SCIN: variants seen among roughly 807,000 people sequenced by gnomAD.
SCIN encodes adseverin.
Under a neutral mutation model 91.8 loss-of-function variants are expected in SCIN, and 91 were observed. The observed-to-expected ratio is 0.99, with a 90% confidence interval of 0.84 to 1.18. The LOEUF is 1.18. Among genes scored for constraint, SCIN ranks in the 50% most tolerant of loss-of-function variants. The probability of loss-of-function intolerance (pLI) is 0.00; values close to 1 mark genes in which losing one functional copy is unlikely to be tolerated. For synonymous variants in SCIN, 367 were observed against 312.6 expected (o/e 1.17, Z -1.84); for missense variants, 1,087 against 863.9 (o/e 1.26, Z -3.24).
intron 4 of SCIN, among the ~76,000 whole-genome samples, chr7:12,607,185 G>A (rs1266252749): frequency 6.6e-6 from 1 of 152,144 alleles, no homozygotes; most frequent in Admixed American, 6.5e-5. Flanking sequence ...TATTCATTGT[G>A]TCTGATTCCT....
intron 4 of SCIN, among the ~76,000 whole-genome samples, chr7:12,613,957 G>A (rs1278077652): frequency 6.6e-6 from 1 of 152,180 alleles, no homozygotes; most frequent in African/African-American, 2.4e-5. Context: ...ATAGAACTAT[G>A]TTGGTAAGTG....
rs191394340 is a variant in SCIN at position 12,650,664 on chromosome 7, A to G, written c.1959+1120A>G. Among the ~76,000 whole-genome samples the G allele has an allele frequency of 2.7e-3, 413 of 152,300 alleles. 2 individuals are homozygous for G. Among genetic ancestry groups the G allele is most frequent in the African/African-American group, 9.6e-3 (400 of 41,560 alleles). On this transcript the variant is annotated intron_variant, in intron 14 of 15. Coordinates refer to ENST00000297029, the MANE Select transcript of SCIN (RefSeq NM_001112706.3). ...GATTTCAAAAATAAGGTAATTCAGG[A>G]CATTTTTTTCAGCATTCAAGTACCC...
intron 9 of SCIN, among the ~76,000 whole-genome samples, chr7:12,629,907 T>TA (rs1441929890): frequency 2.0e-5 from 3 of 152,124 alleles, no homozygotes; most frequent in Non-Finnish European, 4.4e-5. Context: ...TCTAACTTTT[T>TA]ATTAAGTGAA....
chr7:12,589,888 G>C (rs1208155167), intron 3 of SCIN, among the ~76,000 whole-genome samples: 1 of 152,064 alleles, frequency 6.6e-6, no homozygotes, highest in African/African-American at 2.4e-5. Context: ...GAGGAAGGAG[G>C]GTGCTTTTGG....
chr7:12,583,604 A>C (rs1268674854), intron 3 of SCIN, among the ~76,000 whole-genome samples: 1 of 152,190 alleles, frequency 6.6e-6, no homozygotes, highest in Non-Finnish European at 1.5e-5. Context: ...ATGATGCTTA[A>C]TCTGCTGAGA....
intron 3 of SCIN, among the ~76,000 whole-genome samples, chr7:12,593,934 C>A (rs771286460): frequency 1.3e-5 from 2 of 152,164 alleles, no homozygotes; most frequent in Non-Finnish European, 2.9e-5. Flanking sequence ...CAAGTGAGTT[C>A]ATAAGATTGA....
At chr7:12,623,604 C>T (rs1783454058) in intron 5 of SCIN, among the ~76,000 whole-genome samples, 1 of 152,102 alleles carries the variant, frequency 6.6e-6, no homozygotes, top group Admixed American at 6.6e-5. Context: ...CAGTGGTATT[C>T]TTCCAGTGTT....
At chr7:12,606,575 G>A (rs985901638) in intron 4 of SCIN, among the ~76,000 whole-genome samples, 18 of 152,102 alleles carry the variant, frequency 1.2e-4, no homozygotes, top group African/African-American at 3.9e-4. Flanking sequence ...AAATTCTCAT[G>A]GTATAATACT....
intron 8 of SCIN, among the ~76,000 whole-genome samples, chr7:12,627,827 C>G (rs1489813202): frequency 6.6e-6 from 1 of 152,146 alleles, no homozygotes; most frequent in Non-Finnish European, 1.5e-5. Flanking sequence ...GCAGCCTTCT[C>G]CTGTGCCATC....
intron 5 of SCIN, among the ~76,000 whole-genome samples, chr7:12,624,705 A>G (rs748026762): frequency 9.9e-5 from 15 of 152,172 alleles, no homozygotes; most frequent in Non-Finnish European, 1.9e-4. Context: ...TATTATTATC[A>G]CTATTCTTTT....
intron 1 of SCIN, among the ~76,000 whole-genome samples, chr7:12,572,444 T>G (rs983855395): frequency 1.3e-5 from 2 of 152,252 alleles, no homozygotes; most frequent in African/African-American, 2.4e-5. Flanking sequence ...CAGAGGACTT[T>G]CCATGCAGAA....
chr7:12,615,185 C>T (rs1783273482), intron 4 of SCIN, among the ~76,000 whole-genome samples: 1 of 152,034 alleles, frequency 6.6e-6, no homozygotes, highest in South Asian at 2.1e-4. Flanking sequence ...TTATATATTC[C>T]ATATAATAAT....
At chr7:12,572,894 T>A (rs1255855276) in intron 1 of SCIN, among the ~76,000 whole-genome samples, 1 of 152,144 alleles carries the variant, frequency 6.6e-6, no homozygotes, top group Non-Finnish European at 1.5e-5. Context: ...TCTCTAAAAG[T>A]TCATCACCTC....
At position 12,570,897 on chromosome 7, in the gene SCIN, C is replaced by A; in HGVS notation, c.111C>A (p.His37Gln). Residue 37 changes from histidine to glutamine, a missense_variant, in exon 1 of 16, where the codon CAC (histidine) becomes CAA (glutamine). Coordinates refer to ENST00000297029, the MANE Select transcript of SCIN (RefSeq NM_001112706.3). ...LELVPVPQSA[H>Q]GDFYVGDAYL... is the part of the protein sequence containing the mutation. ...TGGTGCCCGTGCCCCAGAGCGCTCA[C>A]GGCGACTTCTACGTCGGGGATGCCT... 2 of 1,551,598 alleles carry A rather than the reference C, an allele frequency of 1.3e-6. No homozygotes were observed. Among genetic ancestry groups the A allele is most frequent in the Non-Finnish European group, 1.7e-6 (2 of 1,146,970 alleles).
chr7:12,623,490 A>G lies in SCIN; in HGVS notation c.759+597A>G, dbSNP rs1783451880. Reference sequence around the variant, plus strand: ...ATTCTTATGCACACACAACAAAGAAAGTAGGTTCCTTCCAACTCTATAGTT... The same window carrying G: ...ATTCTTATGCACACACAACAAAGAAGGTAGGTTCCTTCCAACTCTATAGTT... On this transcript the variant is annotated intron_variant, in intron 5 of 15. Coordinates refer to ENST00000297029, the MANE Select transcript of SCIN (RefSeq NM_001112706.3). Among the ~76,000 whole-genome samples the G allele has an allele frequency of 2.0e-5, 3 of 152,214 alleles. No homozygotes were observed. In the South Asian group the frequency reaches 6.2e-4, roughly 31 times the overall value.
chr7:12,607,527 G>A (rs986962734), intron 4 of SCIN, among the ~76,000 whole-genome samples: 3 of 152,188 alleles, frequency 2.0e-5, no homozygotes, highest in Non-Finnish European at 1.5e-5. Context: ...TTAGTGATAA[G>A]GATAAAGAGA....
At chr7:12,587,602 T>C (rs568922278) in intron 3 of SCIN, among the ~76,000 whole-genome samples, 2 of 152,336 alleles carry the variant, frequency 1.3e-5, no homozygotes, top group African/African-American at 4.8e-5. Context: ...CTCTGCTTTG[T>C]TTTTCCCAGA....
intron 8 of SCIN, among the ~76,000 whole-genome samples, chr7:12,628,717 A>AAT (rs375005746): frequency 3.3e-5 from 5 of 152,122 alleles, no homozygotes; most frequent in South Asian, 2.1e-4. Flanking sequence ...CAGGGAAAAA[A>AAT]ATATATATAT....
Position 12,644,608 on chromosome 7 carries a change from G to A in SCIN, c.1784G>A (p.Gly595Glu). ...EPEEFWNSLG[G>E]KKDYQTSPLL... ...GAGGAGTTCTGGAATTCCCTTGGAG[G>A]GAAAAAAGACTACCAGACCTCACCA... is the stretch of plus-strand genomic sequence containing the variant. Residue 595 changes from glycine to glutamate, a missense_variant, in exon 13 of 16, where the codon GGG becomes GAG. Transcript: ENST00000297029. The A allele has an allele frequency of 6.2e-7, 1 of 1,610,108 alleles. No individual in the cohort carries two copies. Among genetic ancestry groups the A allele is most frequent in the East Asian group, 2.2e-5 (1 of 44,758 alleles).
Sources: allele counts gnomAD v4.1 joint callset (sites outside exome capture counted in the v4.1 genomes callset), GRCh38; gene constraint gnomAD v4.1.1; transcripts MANE v1.5; gene names NCBI Gene and HGNC (gene_info 2026-07-23, HGNC 2026-07-21).